Variants in NALF1 observed in about 807,000 individuals in gnomAD.
NALF1 encodes the protein family with sequence similarity 155 member A.
In NALF1, 3 loss-of-function variants were observed where a neutral mutation model predicts 48.4. The ratio of observed to expected loss-of-function variants is 0.06; its 90% CI spans 0.03 to 0.16. The LOEUF (loss-of-function observed/expected upper bound fraction) is 0.16, where lower values mean the gene tolerates loss of function less well. NALF1 is among the 10% of genes least tolerant of loss of function. NALF1 has a pLI of 1.00. For missense variants in NALF1, 526 were observed against 571.5 expected (o/e 0.92, Z 0.81); for synonymous variants, 262 against 245.7 (o/e 1.07, Z -0.62).
chr13:107,566,885 G>A (rs1877825884), intron 1 of NALF1, among the ~76,000 whole-genome samples: 1 of 152,174 alleles, frequency 6.6e-6, no homozygotes, highest in Non-Finnish European at 1.5e-5. Flanking sequence ...CAGGCCAGCT[G>A]CCCAACACGG....
intron 2 of NALF1, among the ~76,000 whole-genome samples, chr13:107,173,701 T>C (rs1451398887): frequency 6.6e-6 from 1 of 152,154 alleles, no homozygotes; most frequent in Non-Finnish European, 1.5e-5. Flanking sequence ...GTGTCTTCAG[T>C]AGGAAAAGCT....
intron 1 of NALF1, among the ~76,000 whole-genome samples, chr13:107,857,785 T>C (rs542097607): frequency 6.6e-6 from 1 of 152,332 alleles, no homozygotes; most frequent in African/African-American, 2.4e-5. Context: ...TTTATAAAAG[T>C]CTTGTAAATC....
Position 107,170,602 on chromosome 13 carries a change from C to G in NALF1, c.1272G>C (p.Leu424=). Residue 424 remains leucine (L), a synonymous_variant, in exon 3 of 3, where the codon CTG becomes CTC. Transcript: ENST00000375915. ...CTGTGAGCACTGTGTGTAAGAGAAT[C>G]AGTACAAGAACACACAGCTTGAGTC... is the stretch of plus-strand genomic sequence containing the variant. The part of the protein sequence containing the change: ...NSRLKLCVLV[L]ILLHTVLTAS... The G allele has an allele frequency of 6.2e-7, 1 of 1,614,190 alleles. No individual in the cohort carries two copies. The highest frequency in any genetic ancestry group is 8.5e-7 in the Non-Finnish European group (1 of 1,180,036).
intron 1 of NALF1, among the ~76,000 whole-genome samples, chr13:107,554,770 C>A (rs1182121722): frequency 2.0e-5 from 3 of 152,146 alleles, no homozygotes; most frequent in African/African-American, 4.8e-5. Context: ...GTGCAAGTTT[C>A]TCGACCTCTC....
intron 1 of NALF1, among the ~76,000 whole-genome samples, chr13:107,514,146 C>T (rs1875981784): frequency 6.6e-6 from 1 of 152,304 alleles, no homozygotes; most frequent in East Asian, 1.9e-4. Flanking sequence ...AATTCAAAGA[C>T]ATCTTTTTGA....
At chr13:107,460,355 A>T (rs1215566648) in intron 1 of NALF1, among the ~76,000 whole-genome samples, 2 of 152,212 alleles carry the variant, frequency 1.3e-5, no homozygotes, top group Non-Finnish European at 2.9e-5. Flanking sequence ...TACTCTTTAC[A>T]TAACATCCAA....
intron 2 of NALF1, among the ~76,000 whole-genome samples, chr13:107,202,663 G>C (rs1345637489): frequency 6.6e-6 from 1 of 152,148 alleles, no homozygotes; most frequent in Non-Finnish European, 1.5e-5. Flanking sequence ...CAAAGTGCTT[G>C]TAACATTCAT....
At chr13:107,720,805 T>C (rs1875960860) in intron 1 of NALF1, among the ~76,000 whole-genome samples, 1 of 152,194 alleles carries the variant, frequency 6.6e-6, no homozygotes, top group African/African-American at 2.4e-5. Flanking sequence ...CTGAAGGTAG[T>C]GTTTACTCCT....
At chr13:107,551,068 C>G (rs1877278488) in intron 1 of NALF1, among the ~76,000 whole-genome samples, 1 of 152,018 alleles carries the variant, frequency 6.6e-6, no homozygotes, top group African/African-American at 2.4e-5. Context: ...TCACTTCTAC[C>G]TTTCCACTTT....
At chr13:107,447,324 C>A (rs952024982) in intron 1 of NALF1, among the ~76,000 whole-genome samples, 22 of 152,136 alleles carry the variant, frequency 1.4e-4, no homozygotes, top group Admixed American at 3.9e-4. Context: ...TGGCCCTTCC[C>A]GTGCAGAGCT....
intron 1 of NALF1, among the ~76,000 whole-genome samples, chr13:107,446,405 T>TCACACACACACACA (rs34962012): frequency 1.1e-3 from 160 of 146,084 alleles, no homozygotes; most frequent in Middle Eastern, 3.6e-3. Flanking sequence ...ATAATTAAAT[T>TCACACACACACACA]CACACACACA....
At chr13:107,449,740 C>T (rs552761576) in intron 1 of NALF1, among the ~76,000 whole-genome samples, 10 of 152,220 alleles carry the variant, frequency 6.6e-5, no homozygotes, top group South Asian at 2.1e-4. Context: ...AATTTTCGCA[C>T]GGCACTTAGT....
At chr13:107,375,380 G>T (rs112964558) in intron 1 of NALF1, among the ~76,000 whole-genome samples, 38 of 152,012 alleles carry the variant, frequency 2.5e-4, no homozygotes, top group Admixed American at 2.4e-3. Flanking sequence ...TCATGTTCTC[G>T]AAGAGACTCT....
chr13:107,564,323 A>G (rs1229760888), intron 1 of NALF1, among the ~76,000 whole-genome samples: 1 of 152,186 alleles, frequency 6.6e-6, no homozygotes, highest in Non-Finnish European at 1.5e-5. Flanking sequence ...TTGATTTACC[A>G]AAAATCTTAT....
chr13:107,340,462 CTTTCTTCTCTCTTTCTTTCTTTCTTTT>C, intron 1 of NALF1, among the ~76,000 whole-genome samples: 1 of 100,796 alleles, frequency 9.9e-6, no homozygotes, highest in Non-Finnish European at 2.1e-5. Flanking sequence ...TTCTTTCTTT[CTTTCTTCTCTCTTTCTTTCTTTCTTTT>C]TGTCTTTCTT....
intron 1 of NALF1, among the ~76,000 whole-genome samples, chr13:107,528,138 G>T (rs1281317106): frequency 6.6e-6 from 1 of 151,944 alleles, no homozygotes; most frequent in Non-Finnish European, 1.5e-5. Context: ...AACTGAAAAT[G>T]GTCTCTGCAA....
chr13:107,335,512 A>G (rs1055181873), intron 1 of NALF1, among the ~76,000 whole-genome samples: 1 of 152,182 alleles, frequency 6.6e-6, no homozygotes, highest in Non-Finnish European at 1.5e-5. Context: ...TCTAAAATTG[A>G]ACATTTTCTT....
At chr13:107,259,708 G>A (rs1234570907) in intron 1 of NALF1, among the ~76,000 whole-genome samples, 3 of 152,178 alleles carry the variant, frequency 2.0e-5, no homozygotes, top group Non-Finnish European at 4.4e-5. Context: ...TATTAAGGTA[G>A]AGGAGGCATA....
chr13:107,378,852 T>C (rs137897622), intron 1 of NALF1, among the ~76,000 whole-genome samples: 2,850 of 152,236 alleles, frequency 0.019, 38 homozygotes, highest in South Asian at 0.054. Flanking sequence ...AAATAAGACA[T>C]AGAGGCATTT....
Sources: gnomAD v4.1 joint callset for allele counts (sites outside exome capture counted in the v4.1 genomes callset) on GRCh38, gnomAD v4.1.1 for gene constraint, MANE v1.5 for transcripts, NCBI Gene and HGNC (gene_info 2026-07-23, HGNC 2026-07-21) for gene names.